The following EFHD1 variants were observed in gnomAD, a reference collection of about 807,000 sequenced individuals.
EFHD1 encodes EF-hand domain-containing protein D1.
EFHD1 carries 10 observed loss-of-function variants against 17.2 expected under a neutral mutation model. The ratio of observed to expected loss-of-function variants is 0.58; its 90% CI spans 0.36 to 0.99. EFHD1 has a LOEUF of 0.99. Among genes scored for constraint, EFHD1 ranks in the 50% least tolerant of loss-of-function variants. The probability of loss-of-function intolerance (pLI) is 0.01; values close to 1 mark genes in which losing one functional copy is unlikely to be tolerated. For synonymous variants in EFHD1, 153 were observed against 142.0 expected (o/e 1.08, Z -0.55); for missense variants, 310 against 327.5 (o/e 0.95, Z 0.41).
chr2:232,663,990 C>CA (rs1357437756), intron 2 of EFHD1, among the ~76,000 whole-genome samples: 1 of 152,054 alleles, frequency 6.6e-6, no homozygotes, highest in Admixed American at 6.6e-5. Context: ...GATGAGGTCT[C>CA]ACTGTGTTGT....
chr2:232,663,611 C>T (rs996635688), intron 2 of EFHD1, among the ~76,000 whole-genome samples: 19 of 152,252 alleles, frequency 1.2e-4, no homozygotes, highest in African/African-American at 4.3e-4. Context: ...AAGTGATCCT[C>T]TGCCTTGGCC....
chr2:232,645,281 C>T (rs1011914694), intron 1 of EFHD1, among the ~76,000 whole-genome samples: 3 of 152,068 alleles, frequency 2.0e-5, no homozygotes, highest in Admixed American at 2.0e-4. Context: ...GTCAGGTTTG[C>T]AGGAAGTAGG....
rs1003244595 is a variant in EFHD1, at chr2:232,611,165, G to A, written c.14+4992G>A. On this transcript the variant is annotated intron_variant, in intron 1 of 3. Coordinates refer to the EFHD1 transcript ENST00000409613. ...TGCATTCTGGCCTGGGCAACAGCAT[G>A]AGACCATGTTGCCCAGGCTGGTCTT... 7.2e-5 allele frequency among the ~76,000 whole-genome samples: 11 copies of A among 152,214 alleles called. No homozygotes were observed. The South Asian group carries it at 1.5e-3, about 20-fold the overall frequency.
intron 3 of EFHD1, 52 bp from the exon 4 acceptor site, chr2:232,681,533 G>A (rs976767820): frequency 6.3e-7 from 1 of 1,588,298 alleles, no homozygotes; most frequent in East Asian, 2.3e-5. Context: ...GCAGCTCCAG[G>A]GTCCTCTGCC....
intron 2 of EFHD1, among the ~76,000 whole-genome samples, chr2:232,669,607 T>C (rs557746657): frequency 6.9e-4 from 104 of 151,544 alleles, no homozygotes; most frequent in African/African-American, 2.4e-3. Flanking sequence ...GAAGGCTTTT[T>C]TTTTTTTTTT....
chr2:232,654,421 T>C (rs1694719929), intron 1 of EFHD1, among the ~76,000 whole-genome samples: 2 of 130,504 alleles, frequency 1.5e-5, no homozygotes, highest in South Asian at 2.5e-4. Flanking sequence ...TCTTTCTTTT[T>C]TTTTTTTTTT....
At chr2:232,629,721 G>A (rs1373562386), upstream of EFHD1, among the ~76,000 whole-genome samples, 3 of 151,384 alleles carry the variant, frequency 2.0e-5, no homozygotes, top group East Asian at 1.9e-4. Flanking sequence ...CACCCGCCTC[G>A]GCCTCCCAAA....
At chr2:232,675,805 T>C (rs1178272773) in intron 3 of EFHD1, among the ~76,000 whole-genome samples, 1 of 152,116 alleles carries the variant, frequency 6.6e-6, no homozygotes, top group African/African-American at 2.4e-5. Context: ...AGTCTCAGTG[T>C]TCATCACTCC....
intron 1 of EFHD1, among the ~76,000 whole-genome samples, chr2:232,610,569 C>T (rs1021704781): frequency 1.3e-5 from 2 of 150,874 alleles, no homozygotes; most frequent in Non-Finnish European, 3.0e-5. Flanking sequence ...GACTCCGTCC[C>T]CCCGCCCCGA....
At chr2:232,615,160 T>C (rs1244788188) in intron 1 of EFHD1, among the ~76,000 whole-genome samples, 1 of 151,988 alleles carries the variant, frequency 6.6e-6, no homozygotes, top group Non-Finnish European at 1.5e-5. Context: ...CAGCTCGAAA[T>C]ATGTGTTAAC....
chr2:232,667,645 C>T (rs552218279), intron 2 of EFHD1, among the ~76,000 whole-genome samples: 23 of 152,020 alleles, frequency 1.5e-4, no homozygotes, highest in African/African-American at 2.7e-4. Context: ...CTCCGCCTCC[C>T]GGGTTCAAAC....
In EFHD1 at chr2:232,681,442, T is replaced by A. The variant is rs1337064695; in HGVS notation, c.586-143T>A. 6.7e-6 allele frequency: 8 copies of A among 1,186,132 alleles called. No individual in the cohort carries two copies. In the African/African-American group the frequency reaches 9.3e-5, roughly 14 times the overall value. 73.5% of individuals were successfully genotyped at this position (1,186,132 alleles called of 1,614,324 possible). On this transcript the variant is annotated intron_variant, in intron 3 of 3. Transcript: ENST00000264059. ...ACTTCTGAAGGCCACACGGAAAGAG[T>A]GCTTGCTGGGGTCCTGCCCTCCGTG...
At chr2:232,654,022 CAT>C (rs1694706014) in intron 1 of EFHD1, among the ~76,000 whole-genome samples, 1 of 151,902 alleles carries the variant, frequency 6.6e-6, no homozygotes, top group African/African-American at 2.4e-5. Context: ...GCCTGACCAA[CAT>C]GGAGAAACCC....
rs35808431 is a variant in EFHD1, at chr2:232,607,446, A to AAAAAGT, written c.14+1274_14+1275insAAAGTA. Among the ~76,000 whole-genome samples, 110 of 148,562 alleles carry AAAAAGT rather than the reference A, an allele frequency of 7.4e-4. 2 individuals are homozygous for AAAAAGT. Among genetic ancestry groups the AAAAAGT allele is most frequent in the African/African-American group, 2.1e-3 (85 of 40,098 alleles). On this transcript the variant is annotated intron_variant, in intron 1 of 3. Coordinates refer to the EFHD1 transcript ENST00000409613. ...CTCCTAAAAATTAAAAAAAAAAAAA[A>AAAAAGT]AGCCTGGCGTGGTAGCAGGCAACTG...
chr2:232,680,657 C>T (rs1481985059), intron 3 of EFHD1, among the ~76,000 whole-genome samples: 1 of 152,010 alleles, frequency 6.6e-6, no homozygotes, highest in Non-Finnish European at 1.5e-5. Flanking sequence ...TAAAGGCACA[C>T]GTCACCATAC....
intron 1 of EFHD1, among the ~76,000 whole-genome samples, chr2:232,637,598 C>T (rs1435507613): frequency 2.0e-5 from 3 of 152,146 alleles, no homozygotes; most frequent in South Asian, 2.1e-4. Flanking sequence ...CCCGCCTCAG[C>T]CTCCCAAAAC....
chr2:232,632,828 G>T (rs1694227409), upstream of EFHD1, among the ~76,000 whole-genome samples: 1 of 152,168 alleles, frequency 6.6e-6, no homozygotes, highest in African/African-American at 2.4e-5. Flanking sequence ...GTCTAACTAT[G>T]TTGCCCAGTC....
intron 1 of EFHD1, among the ~76,000 whole-genome samples, chr2:232,614,499 C>T (rs550580142): frequency 1.3e-5 from 2 of 152,212 alleles, no homozygotes; most frequent in Admixed American, 6.5e-5. Flanking sequence ...TCCTTGATAA[C>T]GTTTTGTCTT....
intron 3 of EFHD1, among the ~76,000 whole-genome samples, chr2:232,680,196 G>A (rs1169641728): frequency 6.6e-6 from 1 of 151,940 alleles, no homozygotes; most frequent in Non-Finnish European, 1.5e-5. Flanking sequence ...GATCGGTTGA[G>A]CCCTGGAGGC....
Sources: allele counts gnomAD v4.1 joint callset (sites outside exome capture counted in the v4.1 genomes callset), GRCh38; gene constraint gnomAD v4.1.1; transcripts MANE v1.5; gene names NCBI Gene and HGNC (gene_info 2026-07-23, HGNC 2026-07-21).